The following CHSY3 variants were observed in gnomAD, a reference collection of about 807,000 sequenced individuals.
The protein encoded by CHSY3 is chondroitin sulfate synthase 3.
A neutral mutation model predicts 67.2 loss-of-function variants in CHSY3; 35 were observed. That is an observed-to-expected ratio of 0.52 (90% CI 0.40 to 0.69). The LOEUF is 0.69. CHSY3 is among the 30% of genes least tolerant of loss of function. The probability of loss-of-function intolerance (pLI) is 0.00; values close to 1 mark genes in which losing one functional copy is unlikely to be tolerated. For missense variants in CHSY3, 1,069 were observed against 1,138.5 expected, an observed-to-expected ratio of 0.94 and a Z score of 0.88; for synonymous variants, 474 against 434.7, an observed-to-expected ratio of 1.09 and a Z score of -1.12.
At chr5:129,911,782 C>T (rs1280012511) in intron 2 of CHSY3, among the ~76,000 whole-genome samples, 6 of 152,234 alleles carry the variant, frequency 3.9e-5, no homozygotes, top group Middle Eastern at 3.4e-3. Flanking sequence ...ATGGGCTGGG[C>T]GCAGTGGCTC....
chr5:130,056,925 T>C lies in CHSY3; in HGVS notation c.1087-127304T>C, dbSNP rs898620091. ...TATTTTTAGCATTTCTTTCTTTTTTTTTTTTTTTTTTTTTTTTTGACAGAG... is the reference window on the plus strand; with the variant it reads ...TATTTTTAGCATTTCTTTCTTTTTTCTTTTTTTTTTTTTTTTTTGACAGAG... On this transcript the variant is annotated intron_variant, in intron 2 of 2. Transcript: ENST00000305031. Among the ~76,000 whole-genome samples the C allele has an allele frequency of 1.0e-2, 1,328 of 133,420 alleles. 12 individuals are homozygous for C. The highest frequency in any genetic ancestry group is 0.036 in the African/African-American group (1,258 of 35,064). 87.5% of individuals were successfully genotyped at this position (133,420 alleles called of 152,430 possible). A position where few individuals can be genotyped will look rare whatever the true frequency, so the allele number is the denominator to read the frequency against.
chr5:130,143,983 C>A (rs1580778206), intron 2 of CHSY3, among the ~76,000 whole-genome samples: 1 of 150,808 alleles, frequency 6.6e-6, no homozygotes, highest in Non-Finnish European at 1.5e-5. Context: ...TTCAGAGTGG[C>A]AAACTTCAGC....
intron 2 of CHSY3, among the ~76,000 whole-genome samples, chr5:129,950,594 A>T (rs558741950): frequency 6.6e-6 from 1 of 152,222 alleles, no homozygotes; most frequent in Non-Finnish European, 1.5e-5. Context: ...CAAAATGAAT[A>T]TACAAAAATC....
At chr5:129,957,122 G>C (rs1024605202) in intron 2 of CHSY3, among the ~76,000 whole-genome samples, 1 of 151,912 alleles carries the variant, frequency 6.6e-6, no homozygotes, top group African/African-American at 2.4e-5. Context: ...CCATTTGTTC[G>C]TGCCATCTCT....
chr5:130,048,868 A>G (rs1413967391), intron 2 of CHSY3, among the ~76,000 whole-genome samples: 1 of 152,008 alleles, frequency 6.6e-6, no homozygotes, highest in Admixed American at 6.6e-5. Context: ...CAAATAATAC[A>G]AAATTTCAGT....
chr5:130,086,911 CA>C (rs1212323807), intron 2 of CHSY3, among the ~76,000 whole-genome samples: 2 of 151,906 alleles, frequency 1.3e-5, no homozygotes, highest in East Asian at 1.9e-4. Context: ...AGAGACACAA[CA>C]AAAAAAGAGA....
At chr5:130,084,147 A>G (rs1766534024) in intron 2 of CHSY3, among the ~76,000 whole-genome samples, 1 of 151,996 alleles carries the variant, frequency 6.6e-6, no homozygotes, top group South Asian at 2.1e-4. Flanking sequence ...ATATCCTTCA[A>G]GAGGCACTTT....
At chr5:130,064,816 C>T (rs1366217049) in intron 2 of CHSY3, among the ~76,000 whole-genome samples, 4 of 152,144 alleles carry the variant, frequency 2.6e-5, no homozygotes, top group East Asian at 1.9e-4. Context: ...ACCAAATAAT[C>T]GTGCTGCGCA....
At chr5:130,134,758 A>G (rs1463368416) in intron 2 of CHSY3, among the ~76,000 whole-genome samples, 1 of 152,158 alleles carries the variant, frequency 6.6e-6, no homozygotes, top group African/African-American at 2.4e-5. Flanking sequence ...AAACTGAAGC[A>G]TAGAATTTTT....
intron 2 of CHSY3, among the ~76,000 whole-genome samples, chr5:130,119,372 A>G (rs911962219): frequency 2.0e-5 from 3 of 152,176 alleles, no homozygotes; most frequent in South Asian, 2.1e-4. Flanking sequence ...GATTGCAGGA[A>G]TAAGAAGGGT....
chr5:129,911,335 G>A (rs958490140), intron 2 of CHSY3, among the ~76,000 whole-genome samples: 6 of 152,182 alleles, frequency 3.9e-5, no homozygotes, highest in South Asian at 2.1e-4. Context: ...AGGTAATAGC[G>A]GGATATGAAC....
chr5:129,954,462 GT>G (rs768087838), intron 2 of CHSY3, among the ~76,000 whole-genome samples: 3,912 of 143,756 alleles, frequency 0.027, 153 homozygotes, highest in African/African-American at 0.089. Flanking sequence ...TGGCTATACG[GT>G]TTTTTTTTTT....
intron 2 of CHSY3, among the ~76,000 whole-genome samples, chr5:130,009,505 A>G (rs1213008799): frequency 6.8e-6 from 1 of 147,988 alleles, no homozygotes; most frequent in Non-Finnish European, 1.5e-5. Flanking sequence ...CTGGCCACCA[A>G]AAAAAAAAAG....
intron 2 of CHSY3, among the ~76,000 whole-genome samples, chr5:129,972,504 A>G (rs1762671492): frequency 1.3e-5 from 2 of 152,014 alleles, no homozygotes; most frequent in Admixed American, 6.6e-5. Flanking sequence ...TTTGATGTTA[A>G]TAGCCTTTTT....
intron 2 of CHSY3, among the ~76,000 whole-genome samples, chr5:129,949,514 G>T (rs1055182870): frequency 6.6e-6 from 1 of 152,082 alleles, no homozygotes; most frequent in Non-Finnish European, 1.5e-5. Context: ...GACTTCACTG[G>T]TGCATTCTAC....
At chr5:129,996,906 T>G (rs1763556964) in intron 2 of CHSY3, among the ~76,000 whole-genome samples, 1 of 152,162 alleles carries the variant, frequency 6.6e-6, no homozygotes, top group Non-Finnish European at 1.5e-5. Flanking sequence ...ATTATTTCAC[T>G]TCTTTTCAGT....
intron 2 of CHSY3, among the ~76,000 whole-genome samples, chr5:130,028,947 C>A (rs1021469976): frequency 6.6e-6 from 1 of 151,918 alleles, no homozygotes. Context: ...CACCTCATAT[C>A]TCTCTCTTCT....
At chr5:130,162,057 A>AGAAAAG (rs1554087190) in intron 2 of CHSY3, among the ~76,000 whole-genome samples, 3 of 122,988 alleles carry the variant, frequency 2.4e-5, no homozygotes, top group African/African-American at 9.4e-5. Flanking sequence ...AAAAAAAAAA[A>AGAAAAG]AAAGAAAGAA....
At chr5:130,080,452 C>G (rs1179420016) in intron 2 of CHSY3, among the ~76,000 whole-genome samples, 1 of 152,044 alleles carries the variant, frequency 6.6e-6, no homozygotes, top group East Asian at 1.9e-4. Flanking sequence ...TTTCTGCAAG[C>G]AAGGTATTTT....
Sources: gnomAD v4.1 joint callset for allele counts (sites outside exome capture counted in the v4.1 genomes callset) on GRCh38, gnomAD v4.1.1 for gene constraint, MANE v1.5 for transcripts, NCBI Gene and HGNC (gene_info 2026-07-23, HGNC 2026-07-21) for gene names.